The following IFFO1 variants were observed in gnomAD, a reference collection of about 807,000 sequenced individuals.
IFFO1 encodes intermediate filament family orphan 1.
In IFFO1, 42 loss-of-function variants were observed where a neutral mutation model predicts 59.6. The ratio of observed to expected loss-of-function variants is 0.70; its 90% CI spans 0.55 to 0.91. IFFO1 has a LOEUF of 0.91. IFFO1 is among the 40% of genes least tolerant of loss of function. The pLI is 0.00. For synonymous variants in IFFO1, 336 were observed against 342.8 expected, an observed-to-expected ratio of 0.98 and a Z score of 0.22; for missense variants, 711 against 793.2, an observed-to-expected ratio of 0.90 and a Z score of 1.24.
chr12:6,548,945 A>C lies in IFFO1; in HGVS notation c.1081-96T>G. On this transcript the variant is annotated intron_variant, in intron 5 of 9. Coordinates refer to ENST00000619571, the MANE Select transcript of IFFO1 (RefSeq NM_001193457.2). This position sits in a 1 kb window ranked among gnomAD's most constrained non-coding sequence, Gnocchi z 6.1. ...GGGGGAGAAGCATGAACCAGTAGGA[A>C]GGGGGGGCAGACAGAGAGAAAAGTC... 2.0e-6 allele frequency: 2 copies of C among 980,350 alleles called. No individual in the cohort carries two copies. Among genetic ancestry groups the C allele is most frequent in the Non-Finnish European group, 3.0e-6 (2 of 663,646 alleles). The allele number at this position is 980,350 out of a possible 1,614,324, so 60.7% of individuals were successfully genotyped here. A position where few individuals can be genotyped will look rare whatever the true frequency, so the allele number is the denominator to read the frequency against.
chr12:6,545,913 T>C (rs1279490499), intron 8 of IFFO1, among the ~76,000 whole-genome samples: 1 of 152,162 alleles, frequency 6.6e-6, no homozygotes, highest in East Asian at 1.9e-4. Flanking sequence ...ATGCTGGCAA[T>C]TTGGATATGT....
At position 6,548,594 on chromosome 12, in the gene IFFO1, C is replaced by G. The variant is rs537022671; in HGVS notation, c.1263-49G>C. 1.2e-6 allele frequency: 2 copies of G among 1,613,542 alleles called. No homozygotes were observed. Among genetic ancestry groups the G allele is most frequent in the Non-Finnish European group, 1.7e-6 (2 of 1,179,646 alleles). ...CAGGGCGGGCGGGGCCTCGTCCTGG[C>G]GGGGGACTGGGGAGCTCCGGCCTCC... On this transcript the variant is annotated intron_variant, in intron 6 of 9. Transcript: ENST00000619571. The surrounding 1 kb of genome is among the most constrained non-coding windows in gnomAD (Gnocchi z 6.1).
In IFFO1 at chr12:6,548,575, G is replaced by A. The variant is rs749090751; in HGVS notation, c.1263-30C>T. 2.5e-5 allele frequency: 41 copies of A among 1,613,336 alleles called. No individual in the cohort carries two copies. Among genetic ancestry groups the A allele is most frequent in the African/African-American group, 1.2e-4 (9 of 74,936 alleles). ...AGACAGGGAACCCGGGTGTCAGGGC[G>A]GGCGGGGCCTCGTCCTGGCGGGGGA... On this transcript the variant is annotated intron_variant, in intron 6 of 9. Transcript: ENST00000619571. This position sits in a 1 kb window ranked among gnomAD's most constrained non-coding sequence, Gnocchi z 6.1.
chr12:6,540,672 TCTGG>T, intron 9 of IFFO1, 84 bp from the exon 10 acceptor site: 1 of 1,184,460 alleles, frequency 8.4e-7, no homozygotes, highest in Non-Finnish European at 1.2e-6. Flanking sequence ...TGCCTCACCC[TCTGG>T]CAGCCCGTGA....
intron 8 of IFFO1, among the ~76,000 whole-genome samples, chr12:6,547,521 G>C (rs77094887): frequency 0.054 from 8,241 of 152,176 alleles, 761 homozygotes; most frequent in African/African-American, 0.19. Context: ...TTTAAGACCT[G>C]CCTGGGAAAC....
At chr12:6,552,210 C>G (rs887962957) in intron 1 of IFFO1, among the ~76,000 whole-genome samples, 8 of 152,220 alleles carry the variant, frequency 5.3e-5, no homozygotes, top group African/African-American at 1.9e-4. Context: ...CTCCATCTTC[C>G]TTCCTGTGTC....
Position 6,541,747 on chromosome 12 carries a change from G to C in IFFO1, c.1480-105C>G. On this transcript the variant is annotated intron_variant, in intron 8 of 9. Coordinates refer to ENST00000619571, the MANE Select transcript of IFFO1 (RefSeq NM_001193457.2). The surrounding 1 kb of genome is among the most constrained non-coding windows in gnomAD (Gnocchi z 4.8). ...ACGCCAAGAGCAGTGGCTGGGCCGG[G>C]GGCCCAGGCAGCCATTACTGAAGGC... 4 of 1,418,696 alleles carry C rather than the reference G, an allele frequency of 2.8e-6. No individual in the cohort carries two copies. Among genetic ancestry groups the C allele is most frequent in the Non-Finnish European group, 3.9e-6 (4 of 1,028,270 alleles). The allele number at this position is 1,418,696 out of a possible 1,614,324, so 87.9% of individuals were successfully genotyped here.
intron 8 of IFFO1, among the ~76,000 whole-genome samples, chr12:6,545,546 A>C (rs1430345992): frequency 1.3e-5 from 2 of 151,120 alleles, no homozygotes; most frequent in Non-Finnish European, 3.0e-5. Flanking sequence ...AATACAAAAG[A>C]AATTAGCCGG....
At position 6,548,647 on chromosome 12, in the gene IFFO1, G is replaced by C. The variant is rs1323324084; in HGVS notation, c.1262+21C>G. On this transcript the variant is annotated intron_variant, in intron 6 of 9. Transcript: ENST00000619571. The surrounding 1 kb of genome is among the most constrained non-coding windows in gnomAD (Gnocchi z 6.1). Reference sequence around the variant, plus strand: ...GGCTGCTGTGGCGTCGGTGCTGCGGGAGCACGGCCTGCGGACTCACAGCTG... The same window carrying C: ...GGCTGCTGTGGCGTCGGTGCTGCGGCAGCACGGCCTGCGGACTCACAGCTG... The C allele has an allele frequency of 1.2e-6, 2 of 1,613,988 alleles. No homozygotes were observed. Among genetic ancestry groups the C allele is most frequent in the East Asian group, 4.5e-5 (2 of 44,874 alleles).
rs552750505 is a variant in IFFO1 at position 6,555,505 on chromosome 12, C to T, written c.525G>A (p.Ser175=). ...GPLAPSAASL[S]SSSTSTSTTY... The stretch of plus-strand genomic sequence containing the variant: ...TGGTGGAGGTGGAGGTGGAGGACGA[C>T]GAGAGGCTGGCCGCGGAGGGCGCGA... The change falls in exon 1 of 10, where the codon TCG becomes TCA. Residue 175 remains serine (S), a synonymous_variant. Transcript: ENST00000619571. This position sits in a 1 kb window ranked among gnomAD's most constrained non-coding sequence, Gnocchi z 8.6. 7.5e-6 allele frequency: 12 copies of T among 1,595,142 alleles called. No homozygotes were observed. The highest frequency in any genetic ancestry group is 9.4e-6 in the Non-Finnish European group (11 of 1,171,550).
chr12:6,554,215 T>C (rs1274504683), intron 1 of IFFO1, among the ~76,000 whole-genome samples: 1 of 152,030 alleles, frequency 6.6e-6, no homozygotes, highest in African/African-American at 2.4e-5. Flanking sequence ...CAGTGCTGAA[T>C]CTCCGCCACA....
Position 6,555,826 on chromosome 12 carries a change from A to C in IFFO1, c.204T>G (p.Asn68Lys). Residue 68 changes from asparagine to lysine, a missense_variant, in exon 1 of 10, where the codon AAT (asparagine) becomes AAG (lysine). Asn to Lys is a moderately conservative substitution (Grantham distance 94). Coordinates refer to ENST00000619571, the MANE Select transcript of IFFO1 (RefSeq NM_001193457.2). This position sits in a 1 kb window ranked among gnomAD's most constrained non-coding sequence, Gnocchi z 8.6. ...PAPPAAMALRNDLGSNINVLK... is the reference protein window; with the variant it reads ...PAPPAAMALRKDLGSNINVLK... The stretch of plus-strand genomic sequence containing the variant: ...GCACGTTGATGTTGGAGCCCAGGTC[A>C]TTGCGGAGGGCCATGGCGGCAGGCG... 1 of 1,611,090 alleles carries C rather than the reference A, an allele frequency of 6.2e-7. No homozygotes were observed. The highest frequency in any genetic ancestry group is 8.5e-7 in the Non-Finnish European group (1 of 1,178,774).
At position 6,555,138 on chromosome 12, in the gene IFFO1, C is replaced by T. The variant is rs1947376296; in HGVS notation, c.773+119G>A. On this transcript the variant is annotated intron_variant, in intron 1 of 9. Coordinates refer to ENST00000619571, the MANE Select transcript of IFFO1 (RefSeq NM_001193457.2). The surrounding 1 kb of genome is among the most constrained non-coding windows in gnomAD (Gnocchi z 8.6). ...CCAATTGCTTCCAAGCTCCTCATTA[C>T]ACAGCACAAACTTTACTCTCATTCT... is the stretch of plus-strand genomic sequence containing the variant. 4 of 1,041,044 alleles carry T rather than the reference C, an allele frequency of 3.8e-6. No homozygotes were observed. Among genetic ancestry groups the T allele is most frequent in the African/African-American group, 1.6e-5 (1 of 63,368 alleles). 64.5% of individuals were successfully genotyped at this position (1,041,044 alleles called of 1,614,324 possible).
intron 8 of IFFO1, among the ~76,000 whole-genome samples, chr12:6,545,108 T>G (rs1015896201): frequency 2.0e-5 from 3 of 151,712 alleles, no homozygotes; most frequent in East Asian, 2.0e-4. Context: ...CCAGCTACTC[T>G]GGAGGCTGAG....
rs185716288 is a variant in IFFO1 at position 6,549,779 on chromosome 12, C to T, written c.1048G>A (p.Glu350Lys). Residue 350 changes from glutamate (E) to lysine (K), a missense_variant, in exon 4 of 10, where the codon GAG becomes AAG. Glu to Lys is a moderately conservative substitution (Grantham distance 56). This residue lies in a region of IFFO1 where 579 missense variants were observed against 650.3 expected (regional missense o/e 0.89). Transcript: ENST00000619571. This position sits in a 1 kb window ranked among gnomAD's most constrained non-coding sequence, Gnocchi z 5.0. ...ACCTGGAACATCTGGATCATGTCCT[C>T]GCAGTTGCGCTGCTGAGCCACATCG... ...LCDVAQQRNC[E>K]DMIQMFQKKL... 9 of 1,613,976 alleles carry T rather than the reference C, an allele frequency of 5.6e-6. No homozygotes were observed. Among genetic ancestry groups the T allele is most frequent in the East Asian group, 4.5e-5 (2 of 44,874 alleles).
chr12:6,551,241 T>A (rs1000626349), intron 1 of IFFO1, among the ~76,000 whole-genome samples: 6 of 152,222 alleles, frequency 3.9e-5, no homozygotes, highest in Non-Finnish European at 8.8e-5. Context: ...ACCTCCGGGC[T>A]GTGCACCAGG....
intron 8 of IFFO1, among the ~76,000 whole-genome samples, chr12:6,547,163 A>G (rs576515376): frequency 6.6e-6 from 1 of 152,184 alleles, no homozygotes; most frequent in African/African-American, 2.4e-5. Context: ...TAATCCCAAC[A>G]CTTTGTGGGG....
At chr12:6,552,524 G>A (rs1947275289) in intron 1 of IFFO1, among the ~76,000 whole-genome samples, 2 of 152,186 alleles carry the variant, frequency 1.3e-5, no homozygotes, top group South Asian at 4.1e-4. Flanking sequence ...TATCTTTTCT[G>A]GGTCTTGGTT....
Position 6,548,881 on chromosome 12 carries a change from A to C in IFFO1, c.1081-32T>G. 6.3e-7 allele frequency: 1 copy of C among 1,575,782 alleles called. No homozygotes were observed. Among genetic ancestry groups the C allele is most frequent in the Non-Finnish European group, 8.6e-7 (1 of 1,156,636 alleles). ...AGACGAGGCCGGGTGCATGAGGAGAAAGGGCGGGAGCGGGAGGCCGGGCAG... is the reference window on the plus strand; with the variant it reads ...AGACGAGGCCGGGTGCATGAGGAGACAGGGCGGGAGCGGGAGGCCGGGCAG... On this transcript the variant is annotated intron_variant, in intron 5 of 9. Transcript: ENST00000619571. This position sits in a 1 kb window ranked among gnomAD's most constrained non-coding sequence, Gnocchi z 6.1.
Sources: allele counts gnomAD v4.1 joint callset (sites outside exome capture counted in the v4.1 genomes callset), GRCh38; gene constraint gnomAD v4.1.1; regional missense constraint gnomAD v4.1.1; non-coding constraint Gnocchi (gnomAD v3.1); transcripts MANE v1.5; gene names NCBI Gene and HGNC (gene_info 2026-07-23, HGNC 2026-07-21).